The following EXOC4 variants were observed in gnomAD, a reference collection of about 807,000 sequenced individuals.
EXOC4 encodes the protein exocyst complex component 4, also known as SEC8-like 1.
Under a neutral mutation model 107.2 loss-of-function variants are expected in EXOC4, and 71 were observed. That is an observed-to-expected ratio of 0.66 (90% CI 0.55 to 0.81). The LOEUF is 0.81. Ranked by LOEUF, EXOC4 falls within the 30% of genes least tolerant of loss-of-function variation. The pLI is 0.00. For synonymous variants in EXOC4, 456 were observed against 441.2 expected (o/e 1.03, Z -0.42); for missense variants, 1,108 against 1,189.6 (o/e 0.93, Z 1.01).
In EXOC4 at chr7:133,308,343, A is replaced by T. The variant is rs140211218; in HGVS notation, c.656+2282A>T. Among the ~76,000 whole-genome samples the T allele has an allele frequency of 9.8e-5, 15 of 152,354 alleles. No homozygotes were observed. In the East Asian group the frequency reaches 2.7e-3, roughly 27 times the overall value. ...TCTTTTAGAAAGTGACTAAGTTGAA[A>T]TGAGGTCATTTGTGTGGGCTCTAAT... On this transcript the variant is annotated intron_variant, in intron 4 of 17. Coordinates refer to ENST00000253861, the MANE Select transcript of EXOC4 (RefSeq NM_021807.4).
At chr7:133,814,411 T>G (rs1797314240) in intron 10 of EXOC4, among the ~76,000 whole-genome samples, 1 of 152,156 alleles carries the variant, frequency 6.6e-6, no homozygotes, top group South Asian at 2.1e-4. Context: ...CACAGTTTAT[T>G]TATTCCCTAA....
At chr7:133,452,656 A>C (rs1798374430) in intron 7 of EXOC4, among the ~76,000 whole-genome samples, 1 of 151,308 alleles carries the variant, frequency 6.6e-6, no homozygotes, top group South Asian at 2.1e-4. Context: ...TTTTTAACTA[A>C]GTTGTTTGAT....
intron 9 of EXOC4, among the ~76,000 whole-genome samples, chr7:133,515,657 C>T (rs1799862359): frequency 6.6e-6 from 1 of 152,022 alleles, no homozygotes; most frequent in Admixed American, 6.6e-5. Flanking sequence ...TTTGTAGTGA[C>T]AAGGTCTTGC....
chr7:133,572,177 G>A (rs1374807317), intron 9 of EXOC4, among the ~76,000 whole-genome samples: 2 of 152,150 alleles, frequency 1.3e-5, no homozygotes, highest in African/African-American at 2.4e-5. Flanking sequence ...AAAGAAAGGA[G>A]GCAATTATTT....
chr7:133,325,711 A>G (rs182125583), intron 5 of EXOC4, among the ~76,000 whole-genome samples: 7 of 151,928 alleles, frequency 4.6e-5, no homozygotes, highest in African/African-American at 1.7e-4. Flanking sequence ...CTTCTTGAGG[A>G]TTATCTTTGT....
chr7:133,885,191 G>A (rs1373650372), intron 11 of EXOC4, among the ~76,000 whole-genome samples: 2 of 152,142 alleles, frequency 1.3e-5, no homozygotes, highest in Admixed American at 6.5e-5. Flanking sequence ...GCACGCGCCT[G>A]TAGTCCCAGC....
the EXOC4 span, among the ~76,000 whole-genome samples, chr7:134,079,891 T>A: frequency 6.6e-6 from 1 of 152,124 alleles, no homozygotes; most frequent in African/African-American, 2.4e-5. Flanking sequence ...AGAAACACCC[T>A]CTTGCCCGCA....
At chr7:133,324,763 C>T (rs963690193) in intron 5 of EXOC4, among the ~76,000 whole-genome samples, 1 of 152,116 alleles carries the variant, frequency 6.6e-6, no homozygotes, top group Admixed American at 6.5e-5. Flanking sequence ...CCTGTATATC[C>T]TTGTTAACTT....
chr7:133,403,578 G>A (rs929790518), intron 7 of EXOC4, among the ~76,000 whole-genome samples: 1 of 152,172 alleles, frequency 6.6e-6, no homozygotes, highest in Admixed American at 6.5e-5. Context: ...TGCTAAGGCA[G>A]CTGTATTCTC....
intron 5 of EXOC4, among the ~76,000 whole-genome samples, chr7:133,323,430 G>A (rs1795161986): frequency 6.6e-6 from 1 of 152,240 alleles, no homozygotes; most frequent in African/African-American, 2.4e-5. Context: ...AAGGGGTGTT[G>A]AATTTTGTCA....
intron 17 of EXOC4, among the ~76,000 whole-genome samples, chr7:134,061,413 CCAAA>C (rs2116629347): frequency 6.6e-6 from 1 of 152,314 alleles, no homozygotes; most frequent in South Asian, 2.1e-4. Context: ...TGTTGGTCTA[CCAAA>C]CAGACTCTGA....
chr7:133,870,860 C>A (rs550997328), intron 11 of EXOC4, among the ~76,000 whole-genome samples: 1 of 152,288 alleles, frequency 6.6e-6, no homozygotes, highest in African/African-American at 2.4e-5. Context: ...TTTGTTTTCC[C>A]TCTTTCTGCA....
intron 14 of EXOC4, among the ~76,000 whole-genome samples, chr7:133,980,967 GTC>G (rs1793965361): frequency 6.6e-6 from 1 of 152,172 alleles, no homozygotes. Context: ...CACAGGGACT[GTC>G]TGACACCAGA....
intron 10 of EXOC4, among the ~76,000 whole-genome samples, chr7:133,684,643 G>A (rs184408420): frequency 5.9e-5 from 9 of 152,308 alleles, no homozygotes; most frequent in Admixed American, 4.6e-4. Flanking sequence ...AAAGGAGTTA[G>A]AAATGTTGGG....
intron 9 of EXOC4, among the ~76,000 whole-genome samples, chr7:133,546,167 A>G (rs1334037696): frequency 1.3e-5 from 2 of 151,690 alleles, no homozygotes; most frequent in Admixed American, 6.6e-5. Context: ...TTTTTAAACT[A>G]TATCTATTTT....
At chr7:133,968,677 C>A (rs961616379) in intron 14 of EXOC4, among the ~76,000 whole-genome samples, 6 of 152,068 alleles carry the variant, frequency 3.9e-5, no homozygotes, top group African/African-American at 1.4e-4. Context: ...CCCCCACTCT[C>A]TTCTGGCTTG....
rs773398954 is a variant in EXOC4 at position 133,937,957 on chromosome 7, A to G, written c.2094A>G (p.Gln698=). The G allele has an allele frequency of 6.2e-7, 1 of 1,614,184 alleles. No homozygotes were observed. The highest frequency in any genetic ancestry group is 8.5e-7 in the Non-Finnish European group (1 of 1,180,016). ...TGGGTGATAAATTAATCCCTCCACA[A>G]GACATCCTTCGTGACGTCAGTGACC... ...GNLGDKLIPP[Q]DILRDVSDLK... The change falls in exon 14 of 18, where the codon CAA becomes CAG. Residue 698 remains glutamine (Q), a synonymous_variant. Coordinates refer to ENST00000253861, the MANE Select transcript of EXOC4 (RefSeq NM_021807.4).
At chr7:133,452,137 A>C (rs952859468) in intron 7 of EXOC4, among the ~76,000 whole-genome samples, 1 of 152,120 alleles carries the variant, frequency 6.6e-6, no homozygotes, top group Non-Finnish European at 1.5e-5. Flanking sequence ...CTAAGAGTCC[A>C]ACTTTTTTCA....
intron 4 of EXOC4, among the ~76,000 whole-genome samples, chr7:133,307,531 T>G (rs1251119426): frequency 1.3e-5 from 2 of 152,188 alleles, no homozygotes; most frequent in East Asian, 3.9e-4. Context: ...GGAAGAACAT[T>G]TATTTTAAAA....
Sources: gnomAD v4.1 joint callset for allele counts (sites outside exome capture counted in the v4.1 genomes callset) on GRCh38, gnomAD v4.1.1 for gene constraint, MANE v1.5 for transcripts, NCBI Gene and HGNC (gene_info 2026-07-23, HGNC 2026-07-21) for gene names.